The following PSD3 variants were observed in gnomAD, a reference collection of about 807,000 sequenced individuals.
PSD3 encodes PH and SEC7 domain-containing protein 3.
PSD3 carries 49 observed loss-of-function variants against 105.5 expected under a neutral mutation model. The observed-to-expected ratio is 0.46, with a 90% CI of 0.37 to 0.59. The LOEUF (loss-of-function observed/expected upper bound fraction) is 0.59. PSD3 is among the 20% of genes least tolerant of loss of function. The pLI is 0.00. For synonymous variants in PSD3, 557 were observed against 457.8 expected, an observed-to-expected ratio of 1.22 and a Z score of -2.77; for missense variants, 1,561 against 1,263.8, an observed-to-expected ratio of 1.24 and a Z score of -3.57.
At chr8:19,029,672 C>T (rs1378391716) in intron 1 of PSD3, among the ~76,000 whole-genome samples, 2 of 152,110 alleles carry the variant, frequency 1.3e-5, no homozygotes, top group Non-Finnish European at 2.9e-5. Flanking sequence ...GTTCCTCTTA[C>T]CACAGGGAAC....
At chr8:18,825,008 G>A (rs1318045796) in intron 4 of PSD3, among the ~76,000 whole-genome samples, 3 of 152,110 alleles carry the variant, frequency 2.0e-5, no homozygotes, top group African/African-American at 7.2e-5. Flanking sequence ...CACATACAAT[G>A]TTTTAACTTT....
chr8:18,763,293 T>G (rs1306148959), intron 9 of PSD3, among the ~76,000 whole-genome samples: 1 of 152,178 alleles, frequency 6.6e-6, no homozygotes, highest in Non-Finnish European at 1.5e-5. Context: ...AAGGTCATAA[T>G]TTTTCCTTTT....
chr8:18,725,110 G>A (rs560537394), intron 9 of PSD3, among the ~76,000 whole-genome samples: 49 of 152,236 alleles, frequency 3.2e-4, no homozygotes, highest in Non-Finnish European at 6.0e-4. Flanking sequence ...CAGGTTCTAC[G>A]TATTGGCTCC....
intron 4 of PSD3, chr8:18,865,265 TATATATATATATATATATATA>T (rs1563360383): frequency 0.075 from 560 of 7,460 alleles, 57 homozygotes; most frequent in African/African-American, 0.086. Context: ...TATATATATA[TATATATATATATATATATATA>T]TTTTTTTTTT....
chr8:18,634,255 A>G (rs909985964), intron 10 of PSD3, among the ~76,000 whole-genome samples: 5 of 152,102 alleles, frequency 3.3e-5, no homozygotes, highest in African/African-American at 1.2e-4. Flanking sequence ...ATCAGAGAAA[A>G]ACAGCCTTTT....
At position 19,078,202 on chromosome 8, in the gene PSD3, A is replaced by G. The variant is rs373950176; in HGVS notation, c.324+6004T>C. On this transcript the variant is annotated intron_variant, in intron 1 of 1. Coordinates refer to the PSD3 transcript ENST00000521475. Reference sequence around the variant, plus strand: ...TGAGTCACCGAGCCAAGCCAGGAAAACAAAAGTCTTTCAAAGATAAAATTT... The same window carrying G: ...TGAGTCACCGAGCCAAGCCAGGAAAGCAAAAGTCTTTCAAAGATAAAATTT... Among the ~76,000 whole-genome samples the G allele has an allele frequency of 5.9e-5, 9 of 152,176 alleles. No individual in the cohort carries two copies. In the East Asian group the frequency reaches 1.7e-3, roughly 29 times the overall value.
chr8:19,007,619 G>C (rs1826753296), intron 1 of PSD3, among the ~76,000 whole-genome samples: 1 of 152,040 alleles, frequency 6.6e-6, no homozygotes, highest in African/African-American at 2.4e-5. Flanking sequence ...TGATTGTGAA[G>C]TTTGACTCGC....
chr8:18,867,396 A>G (rs1171443410), intron 4 of PSD3, among the ~76,000 whole-genome samples: 1 of 152,194 alleles, frequency 6.6e-6, no homozygotes, highest in Non-Finnish European at 1.5e-5. Context: ...GGAGCTGATA[A>G]CCTCACTCAT....
chr8:18,970,677 G>C (rs1194599824), intron 1 of PSD3, among the ~76,000 whole-genome samples: 2 of 151,962 alleles, frequency 1.3e-5, no homozygotes, highest in African/African-American at 4.8e-5. Flanking sequence ...TGAGAGGTCT[G>C]GATGCGGTGG....
chr8:19,030,981 A>G (rs192477795), intron 1 of PSD3, among the ~76,000 whole-genome samples: 18 of 152,256 alleles, frequency 1.2e-4, no homozygotes, highest in East Asian at 1.2e-3. Context: ...AACCATCTCA[A>G]TTTCCTCCTA....
chr8:18,626,591 G>A (rs1227019794), intron 11 of PSD3, among the ~76,000 whole-genome samples: 1 of 152,050 alleles, frequency 6.6e-6, no homozygotes, highest in Non-Finnish European at 1.5e-5. Context: ...TCTGTGTAGT[G>A]TAAATAAAAA....
chr8:18,759,340 T>C (rs1404927032), intron 9 of PSD3, among the ~76,000 whole-genome samples: 1 of 152,196 alleles, frequency 6.6e-6, no homozygotes, highest in East Asian at 1.9e-4. Flanking sequence ...AGTGACACTG[T>C]CTTCTAACTA....
intron 7 of PSD3, among the ~76,000 whole-genome samples, chr8:18,800,799 A>C (rs1458013247): frequency 1.3e-5 from 2 of 152,216 alleles, no homozygotes; most frequent in African/African-American, 2.4e-5. Context: ...AGATTTGTTA[A>C]TTTTTCCAAA....
chr8:18,663,797 C>A (rs966555542), intron 9 of PSD3, among the ~76,000 whole-genome samples: 1 of 152,308 alleles, frequency 6.6e-6, no homozygotes, highest in African/African-American at 2.4e-5. Context: ...CTGAGCTTCA[C>A]GTATACGATA....
intron 11 of PSD3, among the ~76,000 whole-genome samples, chr8:18,623,190 T>C (rs1478815318): frequency 1.3e-5 from 2 of 151,902 alleles, no homozygotes; most frequent in Non-Finnish European, 2.9e-5. Flanking sequence ...TGGTCACCGT[T>C]TTCTGTCGCT....
intron 12 of PSD3, among the ~76,000 whole-genome samples, chr8:18,595,473 G>A (rs1021910305): frequency 8.8e-5 from 13 of 147,014 alleles, no homozygotes; most frequent in Admixed American, 5.6e-4. Context: ...AGAGACAGAC[G>A]GAGGGAGGGA....
chr8:18,594,631 A>G (rs1803954398), intron 12 of PSD3, among the ~76,000 whole-genome samples: 1 of 150,922 alleles, frequency 6.6e-6, no homozygotes, highest in Non-Finnish European at 1.5e-5. Context: ...AAGTAAACAG[A>G]GACAGGACTT....
At chr8:18,989,807 A>G (rs951765655) in intron 1 of PSD3, among the ~76,000 whole-genome samples, 5 of 152,210 alleles carry the variant, frequency 3.3e-5, no homozygotes, top group Admixed American at 6.5e-5. Flanking sequence ...CCAAGTGGCT[A>G]TTCTAATGCC....
At chr8:19,058,622 G>T (rs1828788078) in intron 1 of PSD3, among the ~76,000 whole-genome samples, 1 of 151,904 alleles carries the variant, frequency 6.6e-6, no homozygotes, top group Admixed American at 6.6e-5. Context: ...TACCAGCTAG[G>T]CCCAACTTAA....
Sources: allele counts gnomAD v4.1 joint callset (sites outside exome capture counted in the v4.1 genomes callset), GRCh38; gene constraint gnomAD v4.1.1; transcripts MANE v1.5; gene names NCBI Gene and HGNC (gene_info 2026-07-23, HGNC 2026-07-21).